Variants in ALG13 observed in about 807,000 individuals in gnomAD.
ALG13 encodes the protein UDP-N-acetylglucosamine transferase subunit ALG13.
A neutral mutation model predicts 87.8 loss-of-function variants in ALG13; 11 were observed. The observed-to-expected ratio is 0.13, with a 90% CI of 0.08 to 0.21. ALG13 has a LOEUF of 0.21. Among genes scored for constraint, ALG13 ranks in the 10% least tolerant of loss-of-function variants. The pLI is 1.00. For missense variants in ALG13, 756 were observed against 866.1 expected (o/e 0.87, Z 1.60); for synonymous variants, 320 against 306.3 (o/e 1.04, Z -0.47).
intron 25 of ALG13, among the ~76,000 whole-genome samples, chrX:111,756,427 G>A (rs946685654): frequency 9.0e-6 from 1 of 111,527 alleles, no homozygotes; most frequent in Non-Finnish European, 1.9e-5. Flanking sequence ...AATAAAAATA[G>A]CTGCATTTTT....
intron 10 of ALG13, among the ~76,000 whole-genome samples, chrX:111,718,925 G>A (rs1481160312): frequency 9.0e-6 from 1 of 111,374 alleles, no homozygotes; most frequent in African/African-American, 3.3e-5. Flanking sequence ...TCCTAGTTCT[G>A]CCTGCAAATT....
At chrX:111,708,578 T>C (rs1163957929) in intron 4 of ALG13, among the ~76,000 whole-genome samples, 185 bp downstream of exon 4, 2 of 111,841 alleles carry the variant, frequency 1.8e-5, no homozygotes, top group African/African-American at 3.3e-5. Flanking sequence ...CTGAATAGTC[T>C]ATATTGCTGA....
intron 24 of ALG13, among the ~76,000 whole-genome samples, chrX:111,749,518 C>T (rs1452554795): frequency 3.7e-5 from 4 of 109,247 alleles, no homozygotes; most frequent in Non-Finnish European, 7.6e-5. Flanking sequence ...AAAAAAACGT[C>T]TGGAAATTAG....
chrX:111,709,272 C>T (rs1291559654), intron 5 of ALG13, among the ~76,000 whole-genome samples: 1 of 111,873 alleles, frequency 8.9e-6, no homozygotes, highest in Non-Finnish European at 1.9e-5. Flanking sequence ...CTACATTTTC[C>T]CACTACTTAC....
rs1322026005 is a variant in ALG13 at position 111,760,616 on chromosome X, A to G, written c.*617A>G. ...AATTGGTGTCTTTTGCACAGTTAGC[A>G]GTAAATAAAAATTAGCATTTAAAAT... On this transcript the variant is annotated 3_prime_UTR_variant, in exon 27 of 27. Transcript: ENST00000394780. 8.9e-6 allele frequency: 1 copy of G among 112,717 alleles called. No homozygotes were observed. Among genetic ancestry groups the G allele is most frequent in the African/African-American group, 3.2e-5 (1 of 30,983 alleles). The allele number at this position is 112,717 out of a possible 1,213,427, so 9.3% of individuals were successfully genotyped here. A position where few individuals can be genotyped will look rare whatever the true frequency, so the allele number is the denominator to read the frequency against.
At chrX:111,683,832 A>G (rs1183852733) in intron 2 of ALG13, among the ~76,000 whole-genome samples, 2 of 111,947 alleles carry the variant, frequency 1.8e-5, no homozygotes, top group Non-Finnish European at 1.9e-5. Flanking sequence ...AGCACCTCAC[A>G]TGTAAACCCA....
rs1602533919 is a variant in ALG13 at position 111,690,249 on chromosome X, A to C, written c.383+5146A>C. 6.6e-6 allele frequency: 5 copies of C among 752,101 alleles called. No individual in the cohort carries two copies. In the East Asian group the frequency reaches 7.6e-4, roughly 114 times the overall value. 62.0% of individuals were successfully genotyped at this position (752,101 alleles called of 1,213,427 possible). On this transcript the variant is annotated intron_variant, in intron 3 of 26. Transcript: ENST00000394780. ...TGCAGGTTCTTGATATTAATGAGTA[A>C]GTGGAATGCAGTTTATTTAGCAGTG...
At chrX:111,693,814 C>T (rs1205864954) in intron 3 of ALG13, among the ~76,000 whole-genome samples, 1 of 110,354 alleles carries the variant, frequency 9.1e-6, no homozygotes, top group East Asian at 2.8e-4. Context: ...AAAACTGTGG[C>T]TTTTCTTCTC....
intron 3 of ALG13, among the ~76,000 whole-genome samples, chrX:111,701,352 G>T (rs977143364): frequency 1.8e-5 from 2 of 111,618 alleles, no homozygotes; most frequent in Non-Finnish European, 3.8e-5. Context: ...TTTGGTGGGA[G>T]ACTTTTATTA....
At chrX:111,702,841 CT>C (rs36107959) in intron 3 of ALG13, among the ~76,000 whole-genome samples, 37 of 104,399 alleles carry the variant, frequency 3.5e-4, no homozygotes, top group East Asian at 5.9e-4. Flanking sequence ...ATTTTTGAAT[CT>C]TTTTTTTTTT....
Position 111,708,011 on chromosome X carries a change from C to G in ALG13, c.384-16C>G. ...CCTATTCCTAGGAGGATTGGCTCTT[C>G]CTCTTCTTTTCACAGGGTCCTGACT... is the stretch of plus-strand genomic sequence containing the variant. On this transcript the variant is annotated splice_polypyrimidine_tract_variant and intron_variant, in intron 3 of 26. Coordinates refer to ENST00000394780, the MANE Select transcript of ALG13 (RefSeq NM_001099922.3). The G allele has an allele frequency of 1.7e-6, 2 of 1,192,299 alleles. No individual in the cohort carries two copies. The highest frequency in any genetic ancestry group is 1.8e-5 in the South Asian group (1 of 54,129).
chrX:111,717,760 A>G, intron 8 of ALG13, 86 bp from the exon 9 acceptor site: 1 of 634,696 alleles, frequency 1.6e-6, no homozygotes, highest in Non-Finnish European at 2.3e-6. Flanking sequence ...CTGACTACTG[A>G]CTCAATTTCA....
chrX:111,760,647 A>G lies in ALG13; in HGVS notation c.*648A>G, dbSNP rs1331245421. ...TAAAAATTAGCATTTAAAATTGCCA[A>G]AACGAGTGGGATTTTTTCTTTTTGC... On this transcript the variant is annotated 3_prime_UTR_variant, in exon 27 of 27. Coordinates refer to ENST00000394780, the MANE Select transcript of ALG13 (RefSeq NM_001099922.3). 8.9e-6 allele frequency: 1 copy of G among 112,533 alleles called. No homozygotes were observed. The highest frequency in any genetic ancestry group is 2.8e-4 in the East Asian group (1 of 3,605). 9.3% of individuals were successfully genotyped at this position (112,533 alleles called of 1,213,427 possible).
intron 23 of ALG13, among the ~76,000 whole-genome samples, chrX:111,742,949 T>G (rs774873662): frequency 8.9e-6 from 1 of 112,365 alleles, no homozygotes; most frequent in South Asian, 3.7e-4. Flanking sequence ...GAGCTCTTCT[T>G]AAGTCTGAGG....
intron 1 of ALG13, chrX:111,681,546 T>C: frequency 1.0e-6 from 1 of 967,805 alleles, no homozygotes; most frequent in Non-Finnish European, 1.3e-6. Flanking sequence ...CCCTCATTTC[T>C]TCAGCTCCTT....
At chrX:111,690,993 A>G (rs898224806) in intron 3 of ALG13, among the ~76,000 whole-genome samples, 6 of 111,918 alleles carry the variant, frequency 5.4e-5, no homozygotes, top group African/African-American at 2.0e-4. Context: ...GAAATGACAC[A>G]TGGACAGATC....
At chrX:111,748,641 A>G (rs1428908473) in intron 24 of ALG13, among the ~76,000 whole-genome samples, 1 of 111,771 alleles carries the variant, frequency 8.9e-6, no homozygotes, top group African/African-American at 3.3e-5. Context: ...CATATTCTCT[A>G]TGCTAGTCTT....
intron 26 of ALG13, among the ~76,000 whole-genome samples, chrX:111,758,992 C>G (rs1945510343): frequency 9.1e-6 from 1 of 110,340 alleles, no homozygotes; most frequent in African/African-American, 3.3e-5. Flanking sequence ...TAATTTCTCT[C>G]TTCCTTTCCA....
intron 3 of ALG13, among the ~76,000 whole-genome samples, chrX:111,702,080 G>A (rs1053360168): frequency 9.0e-6 from 1 of 111,655 alleles, no homozygotes. Context: ...TTGTTTTTTA[G>A]CCTAACAATG....
Sources: gnomAD v4.1 joint callset for allele counts (sites outside exome capture counted in the v4.1 genomes callset) on GRCh38, gnomAD v4.1.1 for gene constraint, MANE v1.5 for transcripts, NCBI Gene and HGNC (gene_info 2026-07-23, HGNC 2026-07-21) for gene names.